Variants in KCNIP4 observed in about 807,000 individuals in gnomAD.
KCNIP4 encodes the protein Kv channel-interacting protein 4.
Under a neutral mutation model 34.0 loss-of-function variants are expected in KCNIP4, and 12 were observed. The ratio of observed to expected loss-of-function variants is 0.35; its 90% CI spans 0.23 to 0.57. The LOEUF (loss-of-function observed/expected upper bound fraction) is 0.57. Among genes scored for constraint, KCNIP4 ranks in the 20% least tolerant of loss-of-function variants. KCNIP4 has a pLI of 0.83. For missense variants in KCNIP4, 238 were observed against 311.7 expected (o/e 0.76, Z 1.78); for synonymous variants, 124 against 102.2 (o/e 1.21, Z -1.29).
intron 1 of KCNIP4, among the ~76,000 whole-genome samples, chr4:21,390,057 G>A (rs1285549420): frequency 6.7e-6 from 1 of 150,002 alleles, no homozygotes; most frequent in Non-Finnish European, 1.5e-5. Flanking sequence ...GGCCAGTGAT[G>A]ATGAGCATTT....
intron 1 of KCNIP4, among the ~76,000 whole-genome samples, chr4:21,868,018 C>T (rs933939121): frequency 2.6e-5 from 4 of 152,052 alleles, no homozygotes; most frequent in Non-Finnish European, 5.9e-5. Flanking sequence ...ATGAGAATTC[C>T]TTATCTAGCC....
chr4:21,928,038 G>A (rs1729363416), intron 1 of KCNIP4, among the ~76,000 whole-genome samples: 2 of 151,390 alleles, frequency 1.3e-5, no homozygotes, highest in Admixed American at 6.6e-5. Flanking sequence ...GCAAAAATAC[G>A]ATCTTCATTT....
At chr4:20,877,584 T>C (rs1724201288) in intron 2 of KCNIP4, among the ~76,000 whole-genome samples, 1 of 152,188 alleles carries the variant, frequency 6.6e-6, no homozygotes, top group South Asian at 2.1e-4. Flanking sequence ...CTATATTCCT[T>C]ATAGTAGGCT....
At chr4:21,392,582 A>G (rs1722659379) in intron 1 of KCNIP4, among the ~76,000 whole-genome samples, 1 of 152,224 alleles carries the variant, frequency 6.6e-6, no homozygotes. Flanking sequence ...CGCTGTTTGT[A>G]CTCTGGTGTG....
intron 1 of KCNIP4, among the ~76,000 whole-genome samples, chr4:21,731,522 A>G (rs1715602453): frequency 6.6e-6 from 1 of 152,198 alleles, no homozygotes; most frequent in Non-Finnish European, 1.5e-5. Flanking sequence ...GGCAAACAAT[A>G]TGCCAGAAAT....
intron 5 of KCNIP4, among the ~76,000 whole-genome samples, chr4:20,743,726 TA>T (rs1372345434): frequency 1.3e-5 from 2 of 152,100 alleles, no homozygotes; most frequent in Non-Finnish European, 2.9e-5. Context: ...ACTTCATGTC[TA>T]AAACACCAAA....
chr4:21,098,793 C>G (rs1373224517), intron 1 of KCNIP4, among the ~76,000 whole-genome samples: 5 of 152,122 alleles, frequency 3.3e-5, no homozygotes, highest in African/African-American at 4.8e-5. Flanking sequence ...TTGATTTTCT[C>G]ATGTAATTAT....
At position 21,633,023 on chromosome 4, in the gene KCNIP4, CTT is replaced by C. The variant is rs535564127; in HGVS notation, c.61+315546_61+315547del. 3.9e-5 allele frequency among the ~76,000 whole-genome samples: 6 copies of C among 152,260 alleles called. No homozygotes were observed. The South Asian group carries it at 1.2e-3, about 32-fold the overall frequency. On this transcript the variant is annotated intron_variant, in intron 1 of 8. Transcript: ENST00000382152. ...TCTTCCAGCAGACTGATTTAACACT[CTT>C]CGGGTCACAGACGTTTTAAAAAATC...
intron 1 of KCNIP4, among the ~76,000 whole-genome samples, chr4:21,566,147 C>G (rs1216389024): frequency 6.6e-6 from 1 of 152,128 alleles, no homozygotes; most frequent in Non-Finnish European, 1.5e-5. Context: ...ATTCCACAAT[C>G]AAGAGACAGG....
In KCNIP4 at chr4:20,752,220, G is replaced by A. The variant is rs762254065; in HGVS notation, c.359-2488C>T. On this transcript the variant is annotated intron_variant, in intron 4 of 8. Transcript: ENST00000382152. ...ATTACAGGCACCTGCCACCATGCCC[G>A]GCGAATTTTTGTATGTTTAGTAGAG... Among the ~76,000 whole-genome samples, 17 of 151,692 alleles carry A rather than the reference G, an allele frequency of 1.1e-4. 1 individual carries two copies. The highest frequency in any genetic ancestry group is 4.2e-4 in the South Asian group (2 of 4,788).
At chr4:21,519,734 A>ATATACACACGTG (rs1560481046) in intron 1 of KCNIP4, among the ~76,000 whole-genome samples, 26 of 115,776 alleles carry the variant, frequency 2.2e-4, no homozygotes, top group African/African-American at 9.9e-4. Flanking sequence ...ACGTGTGTAT[A>ATATACACACGTG]TGTATGATAC....
At chr4:20,816,535 A>G (rs1008175017) in intron 3 of KCNIP4, among the ~76,000 whole-genome samples, 1 of 152,134 alleles carries the variant, frequency 6.6e-6, no homozygotes, top group African/African-American at 2.4e-5. Flanking sequence ...ATCTGGCACA[A>G]CTCGCATCAT....
chr4:21,445,594 C>T (rs571750132), intron 1 of KCNIP4, among the ~76,000 whole-genome samples: 198 of 152,250 alleles, frequency 1.3e-3, no homozygotes, highest in Non-Finnish European at 5.6e-4. Flanking sequence ...AAACTGGATC[C>T]CTTCCTTACA....
At position 21,081,129 on chromosome 4, in the gene KCNIP4, G is replaced by A. The variant is rs73245228; in HGVS notation, c.62-198420C>T. Among the ~76,000 whole-genome samples the A allele has an allele frequency of 7.6e-3, 1,158 of 151,806 alleles. 10 individuals carry two copies. Among genetic ancestry groups the A allele is most frequent in the Non-Finnish European group, 0.012 (816 of 67,944 alleles). On this transcript the variant is annotated intron_variant, in intron 1 of 8. Transcript: ENST00000382152. Reference sequence around the variant, plus strand: ...TTTAAGAGGCATGATATACTGTGGGGACTGAATTTTAGTACTGTGCAAAGA... The same window carrying A: ...TTTAAGAGGCATGATATACTGTGGGAACTGAATTTTAGTACTGTGCAAAGA...
chr4:20,856,015 GA>G (rs1296761120), intron 2 of KCNIP4, among the ~76,000 whole-genome samples: 1 of 152,056 alleles, frequency 6.6e-6, no homozygotes, highest in Non-Finnish European at 1.5e-5. Context: ...GCTTTATGGG[GA>G]AAATCAAAAA....
chr4:21,262,419 G>C (rs1761530866), intron 1 of KCNIP4, among the ~76,000 whole-genome samples: 1 of 152,168 alleles, frequency 6.6e-6, no homozygotes, highest in Admixed American at 6.5e-5. Context: ...AGCCTGAAGT[G>C]GCTGTGGATT....
intron 1 of KCNIP4, among the ~76,000 whole-genome samples, chr4:21,443,841 G>A (rs1376262543): frequency 1.3e-5 from 2 of 152,028 alleles, no homozygotes; most frequent in Non-Finnish European, 2.9e-5. Context: ...GCTGAGGTGG[G>A]AGGTTTGTTT....
intron 1 of KCNIP4, among the ~76,000 whole-genome samples, chr4:20,967,903 T>C (rs796330230): frequency 1.3e-4 from 20 of 152,158 alleles, no homozygotes; most frequent in African/African-American, 4.1e-4. Flanking sequence ...CCAAAAGCAA[T>C]GGCAACAAAA....
At chr4:21,524,569 G>T (rs1735813429) in intron 1 of KCNIP4, among the ~76,000 whole-genome samples, 1 of 151,632 alleles carries the variant, frequency 6.6e-6, no homozygotes, top group South Asian at 2.1e-4. Flanking sequence ...CTAATGTTTT[G>T]CCTTTTTACT....
Sources: gnomAD v4.1 joint callset for allele counts (sites outside exome capture counted in the v4.1 genomes callset) on GRCh38, gnomAD v4.1.1 for gene constraint, MANE v1.5 for transcripts, NCBI Gene and HGNC (gene_info 2026-07-23, HGNC 2026-07-21) for gene names.